Variants in MYRIP observed in about 807,000 individuals in gnomAD.
The protein encoded by MYRIP is rab effector MyRIP.
Under a neutral mutation model 98.0 loss-of-function variants are expected in MYRIP, and 49 were observed. That is an observed-to-expected ratio of 0.50 (90% CI 0.40 to 0.63). The LOEUF is 0.63. Ranked by LOEUF, MYRIP falls within the 30% of genes least tolerant of loss-of-function variation. The pLI is 0.00. For missense variants in MYRIP, 1,004 were observed against 1,058.2 expected (o/e 0.95, Z 0.71); for synonymous variants, 404 against 409.5 (o/e 0.99, Z 0.16).
At chr3:40,008,614 A>T (rs1946686203) in intron 2 of MYRIP, among the ~76,000 whole-genome samples, 1 of 152,198 alleles carries the variant, frequency 6.6e-6, no homozygotes, top group Non-Finnish European at 1.5e-5. Context: ...CATGAACTGG[A>T]AGACACAGCC....
chr3:39,921,576 A>G (rs118024475), intron 2 of MYRIP, among the ~76,000 whole-genome samples: 2,328 of 152,294 alleles, frequency 0.015, 45 homozygotes, highest in East Asian at 0.095. Context: ...AACTCCAGGT[A>G]CATTGTAAAG....
In MYRIP at chr3:40,152,379, C is replaced by T. The variant is rs557118922; in HGVS notation, c.469+1195C>T. Among the ~76,000 whole-genome samples, 487 of 152,200 alleles carry T rather than the reference C, an allele frequency of 3.2e-3. 1 individual carries two copies. The highest frequency in any genetic ancestry group is 6.8e-3 in the Middle Eastern group (2 of 294). On this transcript the variant is annotated intron_variant, in intron 4 of 16. Coordinates refer to ENST00000302541, the MANE Select transcript of MYRIP (RefSeq NM_015460.4). ...TTTAAATGTCACCAAATTCAGATCT[C>T]GTAGGTGTTCTTTACCACTTAATGC...
chr3:40,202,108 A>C (rs1003653785), intron 10 of MYRIP, among the ~76,000 whole-genome samples: 2 of 152,338 alleles, frequency 1.3e-5, no homozygotes, highest in African/African-American at 2.4e-5. Flanking sequence ...AAAATCTAAA[A>C]GCAAGCTGCA....
chr3:39,897,936 T>C (rs1410123283), intron 1 of MYRIP, among the ~76,000 whole-genome samples: 4 of 151,324 alleles, frequency 2.6e-5, no homozygotes, highest in African/African-American at 9.7e-5. Flanking sequence ...CAAAAGCCAG[T>C]GAAATAAAGT....
chr3:39,888,092 G>T (rs1191505984), intron 1 of MYRIP, among the ~76,000 whole-genome samples: 1 of 151,974 alleles, frequency 6.6e-6, no homozygotes, highest in African/African-American at 2.4e-5. Context: ...TCGTGAAAAT[G>T]GCCATACTTC....
chr3:40,090,666 A>C (rs1559396618), intron 3 of MYRIP, among the ~76,000 whole-genome samples: 1 of 152,238 alleles, frequency 6.6e-6, no homozygotes, highest in Non-Finnish European at 1.5e-5. Flanking sequence ...CTCCTGGCTT[A>C]TGCGTTTCTC....
intron 3 of MYRIP, among the ~76,000 whole-genome samples, chr3:40,129,970 A>T (rs950246946): frequency 1.1e-4 from 16 of 152,266 alleles, no homozygotes; most frequent in African/African-American, 3.9e-4. Flanking sequence ...AAAACTGCTT[A>T]TACAACAAGT....
At chr3:40,095,665 A>G (rs1948812555) in intron 3 of MYRIP, among the ~76,000 whole-genome samples, 1 of 152,096 alleles carries the variant, frequency 6.6e-6, no homozygotes, top group Non-Finnish European at 1.5e-5. Context: ...CCCAATGCAG[A>G]GACACCACAG....
chr3:40,099,346 C>T (rs1460930466), intron 3 of MYRIP, among the ~76,000 whole-genome samples: 1 of 152,148 alleles, frequency 6.6e-6, no homozygotes, highest in Non-Finnish European at 1.5e-5. Context: ...CTATAATATG[C>T]AAAGCATTGT....
rs146777235 is a variant in MYRIP, at chr3:40,234,686, C to T, written c.2100+633C>T. Among the ~76,000 whole-genome samples, 764 of 152,270 alleles carry T rather than the reference C, an allele frequency of 5.0e-3. 6 individuals are homozygous for T. Among genetic ancestry groups the T allele is most frequent in the Admixed American group, 8.4e-3 (128 of 15,296 alleles). ...TTACTACAACTGGTCTTCTCTGCTT[C>T]TCTAATTTAAGATACCAACAAAATC... On this transcript the variant is annotated intron_variant, in intron 12 of 16. Coordinates refer to ENST00000302541, the MANE Select transcript of MYRIP (RefSeq NM_015460.4).
intron 1 of MYRIP, among the ~76,000 whole-genome samples, chr3:39,860,896 C>T (rs939265276): frequency 6.6e-6 from 1 of 152,226 alleles, no homozygotes; most frequent in Non-Finnish European, 1.5e-5. Context: ...CCCATACCTG[C>T]CAGCACCCCA....
chr3:40,046,950 G>A (rs922283696), intron 3 of MYRIP, among the ~76,000 whole-genome samples: 1 of 152,136 alleles, frequency 6.6e-6, no homozygotes, highest in African/African-American at 2.4e-5. Flanking sequence ...TGCAGTCACA[G>A]CCTGTCAACC....
intron 3 of MYRIP, among the ~76,000 whole-genome samples, chr3:40,140,447 A>G (rs1949866980): frequency 6.6e-6 from 1 of 152,212 alleles, no homozygotes; most frequent in South Asian, 2.1e-4. Flanking sequence ...TCTCTTCGGT[A>G]TAATGATTTC....
intron 4 of MYRIP, among the ~76,000 whole-genome samples, chr3:40,161,572 A>G (rs749482822): frequency 5.3e-5 from 8 of 152,242 alleles, no homozygotes; most frequent in Admixed American, 1.3e-4. Flanking sequence ...CTCACCTTCC[A>G]GAAAAGTCTC....
chr3:39,818,069 G>T (rs1940980710), intron 1 of MYRIP, among the ~76,000 whole-genome samples: 1 of 152,088 alleles, frequency 6.6e-6, no homozygotes, highest in Admixed American at 6.5e-5. Flanking sequence ...CAAATAATCT[G>T]TTTAATCTAT....
chr3:40,152,965 A>G (rs993410284), intron 4 of MYRIP, among the ~76,000 whole-genome samples: 2 of 151,950 alleles, frequency 1.3e-5, no homozygotes, highest in African/African-American at 2.4e-5. Context: ...AAAAAAAAAA[A>G]AAAATTAGTC....
chr3:39,884,025 A>T (rs1380722191), intron 1 of MYRIP, among the ~76,000 whole-genome samples: 1 of 152,154 alleles, frequency 6.6e-6, no homozygotes, highest in Non-Finnish European at 1.5e-5. Flanking sequence ...AATATAACAC[A>T]AAACAAATTC....
intron 11 of MYRIP, among the ~76,000 whole-genome samples, chr3:40,219,045 T>C (rs1380889498): frequency 1.3e-5 from 2 of 152,122 alleles, no homozygotes; most frequent in African/African-American, 4.8e-5. Context: ...ATGACAATGG[T>C]ACATTTAATA....
chr3:40,008,362 T>C (rs1946680771), intron 2 of MYRIP, among the ~76,000 whole-genome samples: 1 of 152,246 alleles, frequency 6.6e-6, no homozygotes, highest in South Asian at 2.1e-4. Flanking sequence ...AGATATAAGC[T>C]TCAGGAAAGA....
Sources: allele counts gnomAD v4.1 joint callset (sites outside exome capture counted in the v4.1 genomes callset), GRCh38; gene constraint gnomAD v4.1.1; transcripts MANE v1.5; gene names NCBI Gene and HGNC (gene_info 2026-07-23, HGNC 2026-07-21).